The following WNT6 variants were observed in gnomAD, a reference collection of about 807,000 sequenced individuals.
WNT6 encodes the protein Wnt family member 6.
A neutral mutation model predicts 33.1 loss-of-function variants in WNT6; 27 were observed. The ratio of observed to expected loss-of-function variants is 0.82; its 90% CI spans 0.60 to 1.12. WNT6 has a LOEUF of 1.12. Ranked by LOEUF, WNT6 falls within the 50% of genes most tolerant of loss-of-function variation. The pLI is 0.00. For synonymous variants in WNT6, 249 were observed against 242.8 expected, an observed-to-expected ratio of 1.03 and a Z score of -0.24; for missense variants, 494 against 535.3, an observed-to-expected ratio of 0.92 and a Z score of 0.76.
Position 218,873,422 on chromosome 2 carries a change from C to T in WNT6, c.675C>T (p.His225=), listed in dbSNP as rs1944421873. The T allele has an allele frequency of 2.0e-6, 3 of 1,537,618 alleles. No homozygotes were observed. Among genetic ancestry groups the T allele is most frequent in the East Asian group, 4.9e-5 (2 of 40,898 alleles). The change falls in exon 4 of 4, where the codon CAC becomes CAT. Residue 225 remains histidine, a synonymous_variant. Transcript: ENST00000233948. This position sits in a 1 kb window ranked among gnomAD's most constrained non-coding sequence, Gnocchi z 6.1. ...ACACGCGCACCGAGTGCAAATGCCA[C>T]GGGCTGTCGGGATCATGCGCGCTGC... ...RSHTRTECKC[H]GLSGSCALRT... is the part of the protein sequence containing the mutation.
rs1028935768 is a variant in WNT6, at chr2:218,871,395, C to G, written c.302-90C>G. On this transcript the variant is annotated intron_variant, in intron 2 of 3. Transcript: ENST00000233948. This position sits in a 1 kb window ranked among gnomAD's most constrained non-coding sequence, Gnocchi z 6.4. The stretch of plus-strand genomic sequence containing the variant: ...CTGCAAGGACCCTGCCTCCCAGGCC[C>G]CTGGGGCAGCCCTCCCGCCGCAGGT... 12 of 1,513,044 alleles carry G rather than the reference C, an allele frequency of 7.9e-6. No individual in the cohort carries two copies. The Admixed American group carries it at 2.0e-4, about 25-fold the overall frequency. 93.7% of individuals were successfully genotyped at this position (1,513,044 alleles called of 1,614,324 possible). A position where few individuals can be genotyped will look rare whatever the true frequency, so the allele number is the denominator to read the frequency against.
chr2:218,871,285 TC>T lies in WNT6; in HGVS notation c.301+41del, dbSNP rs753276551. 8 of 1,578,394 alleles carry T rather than the reference TC, an allele frequency of 5.1e-6. No homozygotes were observed. The highest frequency in any genetic ancestry group is 6.0e-6 in the Non-Finnish European group (7 of 1,157,774). ...AGGGGGCGGAAGTGGGGCTGCTTTC[TC>T]CCTGCTGTGGGACCCGAGGAGAGGA... On this transcript the variant is annotated intron_variant, in intron 2 of 3. Transcript: ENST00000233948. This position sits in a 1 kb window ranked among gnomAD's most constrained non-coding sequence, Gnocchi z 6.4.
chr2:218,873,654 C>T lies in WNT6; in HGVS notation c.907C>T (p.Pro303Ser). 6.3e-7 allele frequency: 1 copy of T among 1,583,054 alleles called. No individual in the cohort carries two copies. Among genetic ancestry groups the T allele is most frequent in the Non-Finnish European group, 8.5e-7 (1 of 1,171,968 alleles). Residue 303 changes from proline (P) to serine (S), a missense_variant, in exon 4 of 4, where the codon CCC (proline) becomes TCC (serine). By Grantham distance (74) the Pro-to-Ser change is moderately conservative. Coordinates refer to ENST00000233948, the MANE Select transcript of WNT6 (RefSeq NM_006522.4). The surrounding 1 kb of genome is among the most constrained non-coding windows in gnomAD (Gnocchi z 6.1). ...CGCCCCCAACCGACGCACCGGCTCC[C>T]CCGGCACGCGCGGTCGCGCCTGCAA... ...FCAPNRRTGS[P>S]GTRGRACNSS... is the part of the protein sequence containing the mutation.
At chr2:218,863,021 C>T (rs755256240) in intron 1 of WNT6, among the ~76,000 whole-genome samples, 14 of 152,186 alleles carry the variant, frequency 9.2e-5, no homozygotes, top group Non-Finnish European at 1.6e-4. Flanking sequence ...CTATTTCTGA[C>T]ACTTCATCTC....
Position 218,873,542 on chromosome 2 carries a change from C to T in WNT6, c.795C>T (p.Asp265=). The stretch of plus-strand genomic sequence containing the variant: ...CCTCACGCGTCATGGGCACCAACGA[C>T]GGCAAGGCCCTGCTGCCCGCCGTCC... ...HGASRVMGTN[D]GKALLPAVRT... is the part of the protein sequence containing the mutation. Residue 265 remains aspartate (D), a synonymous_variant, in exon 4 of 4, where the codon GAC becomes GAT. Transcript: ENST00000233948. This position sits in a 1 kb window ranked among gnomAD's most constrained non-coding sequence, Gnocchi z 6.1. 1.3e-6 allele frequency: 2 copies of T among 1,537,682 alleles called. No homozygotes were observed. Among genetic ancestry groups the T allele is most frequent in the African/African-American group, 1.4e-5 (1 of 73,006 alleles).
rs747343284 is a variant in WNT6, at chr2:218,867,860, G to C, written c.81-3167G>C. Among the ~76,000 whole-genome samples the C allele has an allele frequency of 3.3e-5, 5 of 152,204 alleles. No individual in the cohort carries two copies. Among genetic ancestry groups the C allele is most frequent in the Admixed American group, 1.3e-4 (2 of 15,284 alleles). On this transcript the variant is annotated intron_variant, in intron 1 of 3. Coordinates refer to ENST00000233948, the MANE Select transcript of WNT6 (RefSeq NM_006522.4). The surrounding 1 kb of genome is among the most constrained non-coding windows in gnomAD (Gnocchi z 4.9). ...GTGTTGTCAAAAGCCAAAGTTATAG[G>C]GGGTACGTGAGTCTCTCATGCTAAC...
At chr2:218,865,618 C>G (rs1944348065) in intron 1 of WNT6, among the ~76,000 whole-genome samples, 1 of 152,184 alleles carries the variant, frequency 6.6e-6, no homozygotes, top group African/African-American at 2.4e-5. Context: ...CCACCTCTGG[C>G]TCAGTGCCTC....
intron 1 of WNT6, among the ~76,000 whole-genome samples, chr2:218,866,289 G>A (rs1266691366): frequency 1.3e-5 from 2 of 152,282 alleles, no homozygotes; most frequent in South Asian, 2.1e-4. Flanking sequence ...TTCAGAGGGC[G>A]TTGGGTAGCC....
rs1270814862 is a variant in WNT6 at position 218,873,162 on chromosome 2, T to C, written c.637-222T>C. Reference sequence around the variant, plus strand: ...CTGCATATTGTCCCCGTCTCCCCTCTTCGTCATCATCATATTCCTCCATCC... The same window carrying C: ...CTGCATATTGTCCCCGTCTCCCCTCCTCGTCATCATCATATTCCTCCATCC... On this transcript the variant is annotated intron_variant, in intron 3 of 3. Coordinates refer to ENST00000233948, the MANE Select transcript of WNT6 (RefSeq NM_006522.4). This position sits in a 1 kb window ranked among gnomAD's most constrained non-coding sequence, Gnocchi z 6.1. Among the ~76,000 whole-genome samples, 3 of 152,030 alleles carry C rather than the reference T, an allele frequency of 2.0e-5. No individual in the cohort carries two copies. The highest frequency in any genetic ancestry group is 4.4e-5 in the Non-Finnish European group (3 of 67,996).
In WNT6 at chr2:218,873,097, T is replaced by C. The variant is rs1944417943; in HGVS notation, c.637-287T>C. On this transcript the variant is annotated intron_variant, in intron 3 of 3. Coordinates refer to ENST00000233948, the MANE Select transcript of WNT6 (RefSeq NM_006522.4). The surrounding 1 kb of genome is among the most constrained non-coding windows in gnomAD (Gnocchi z 6.1). Reference sequence around the variant, plus strand: ...CTCACCCCTGCTGTCCATTCTGCTTTCTCCCCCACCCCCTGCCTTTGGACC... The same window carrying C: ...CTCACCCCTGCTGTCCATTCTGCTTCCTCCCCCACCCCCTGCCTTTGGACC... 6.6e-6 allele frequency among the ~76,000 whole-genome samples: 1 copy of C among 151,924 alleles called. No individual in the cohort carries two copies. The highest frequency in any genetic ancestry group is 2.1e-4 in the South Asian group (1 of 4,818).
At position 218,863,255 on chromosome 2, in the gene WNT6, C is replaced by T. The variant is rs555036826; in HGVS notation, c.80+3138C>T. On this transcript the variant is annotated intron_variant, in intron 1 of 3. Transcript: ENST00000233948. ...CAGGCTGTTCCCCGATGCCCAGGAC[C>T]TGCTTTCCCTGGCCTTCTTCTCCCT... Among the ~76,000 whole-genome samples the T allele has an allele frequency of 3.9e-5, 6 of 152,322 alleles. No homozygotes were observed. The South Asian group carries it at 8.3e-4, about 21-fold the overall frequency.
In WNT6 at chr2:218,867,445, C is replaced by A. The variant is rs938892291; in HGVS notation, c.81-3582C>A. 6.6e-6 allele frequency among the ~76,000 whole-genome samples: 1 copy of A among 152,178 alleles called. No individual in the cohort carries two copies. Among genetic ancestry groups the A allele is most frequent in the Non-Finnish European group, 1.5e-5 (1 of 68,024 alleles). The stretch of plus-strand genomic sequence containing the variant: ...CATATTGCCAATAGGGACTGGCTGG[C>A]CCCTGATACCACCTCCCTAGGCAAT... On this transcript the variant is annotated intron_variant, in intron 1 of 3. Coordinates refer to ENST00000233948, the MANE Select transcript of WNT6 (RefSeq NM_006522.4). The surrounding 1 kb of genome is among the most constrained non-coding windows in gnomAD (Gnocchi z 4.9).
chr2:218,863,889 CTCTG>C (rs1376805098), intron 1 of WNT6, among the ~76,000 whole-genome samples: 4 of 152,296 alleles, frequency 2.6e-5, no homozygotes, highest in East Asian at 1.9e-4. Context: ...CCCCTAGCCT[CTCTG>C]TCTTTCTCTC....
Position 218,871,346 on chromosome 2 carries a change from C to T in WNT6, c.301+99C>T, listed in dbSNP as rs1226460973. 40 of 1,487,670 alleles carry T rather than the reference C, an allele frequency of 2.7e-5. No individual in the cohort carries two copies. The highest frequency in any genetic ancestry group is 3.5e-5 in the Non-Finnish European group (38 of 1,092,734). 92.2% of individuals were successfully genotyped at this position (1,487,670 alleles called of 1,614,324 possible). A position where few individuals can be genotyped will look rare whatever the true frequency, so the allele number is the denominator to read the frequency against. ...CGCTGAAGTTGCCTGAGCCCCACTT[C>T]CCCCTCACATGTGTCTGGGCACCCT... is the stretch of plus-strand genomic sequence containing the variant. On this transcript the variant is annotated intron_variant, in intron 2 of 3. Coordinates refer to ENST00000233948, the MANE Select transcript of WNT6 (RefSeq NM_006522.4). This position sits in a 1 kb window ranked among gnomAD's most constrained non-coding sequence, Gnocchi z 6.4.
chr2:218,863,882 CT>C (rs1402120582), intron 1 of WNT6, among the ~76,000 whole-genome samples: 1 of 152,138 alleles, frequency 6.6e-6, no homozygotes, highest in Admixed American at 6.5e-5. Flanking sequence ...AACTCTTCCC[CT>C]AGCCTCTCTG....
In WNT6 at chr2:218,867,788, G is replaced by T. The variant is rs1197746278; in HGVS notation, c.81-3239G>T. ...AGTTCACTCCCTAAGGAAGCATAAAGCGAGGAAGGTGAAAGGTGAGTGGGG... is the reference window on the plus strand; with the variant it reads ...AGTTCACTCCCTAAGGAAGCATAAATCGAGGAAGGTGAAAGGTGAGTGGGG... On this transcript the variant is annotated intron_variant, in intron 1 of 3. Coordinates refer to ENST00000233948, the MANE Select transcript of WNT6 (RefSeq NM_006522.4). The surrounding 1 kb of genome is among the most constrained non-coding windows in gnomAD (Gnocchi z 4.9). 6.6e-6 allele frequency among the ~76,000 whole-genome samples: 1 copy of T among 152,228 alleles called. No individual in the cohort carries two copies. Among genetic ancestry groups the T allele is most frequent in the African/African-American group, 2.4e-5 (1 of 41,458 alleles).
chr2:218,870,687 CT>C (rs1429297745), intron 1 of WNT6, among the ~76,000 whole-genome samples: 1 of 152,238 alleles, frequency 6.6e-6, no homozygotes, highest in Non-Finnish European at 1.5e-5. Context: ...CCTTGTCACC[CT>C]TTTGGGCTAG....
Position 218,873,341 on chromosome 2 carries a change from C to T in WNT6, c.637-43C>T. On this transcript the variant is annotated intron_variant, in intron 3 of 3. Coordinates refer to ENST00000233948, the MANE Select transcript of WNT6 (RefSeq NM_006522.4). This position sits in a 1 kb window ranked among gnomAD's most constrained non-coding sequence, Gnocchi z 6.1. ...TCCATCCGCTGGGCCCTTCCCTGCA[C>T]CCCCTACCTGTCCACATGCGTCCGC... 2 of 1,512,858 alleles carry T rather than the reference C, an allele frequency of 1.3e-6. No individual in the cohort carries two copies. Among genetic ancestry groups the T allele is most frequent in the Non-Finnish European group, 8.8e-7 (1 of 1,131,872 alleles). 93.7% of individuals were successfully genotyped at this position (1,512,858 alleles called of 1,614,324 possible). A position where few individuals can be genotyped will look rare whatever the true frequency, so the allele number is the denominator to read the frequency against.
intron 1 of WNT6, among the ~76,000 whole-genome samples, chr2:218,869,454 T>C (rs1282079045): frequency 1.3e-5 from 2 of 152,098 alleles, no homozygotes; most frequent in Non-Finnish European, 2.9e-5. Flanking sequence ...GTGGAGCAAA[T>C]GGGGACAGTG....
Sources: allele counts gnomAD v4.1 joint callset (sites outside exome capture counted in the v4.1 genomes callset), GRCh38; gene constraint gnomAD v4.1.1; non-coding constraint Gnocchi (gnomAD v3.1); transcripts MANE v1.5; gene names NCBI Gene and HGNC (gene_info 2026-07-23, HGNC 2026-07-21).